Variants in ACVR2A observed in about 807,000 individuals in gnomAD.
The protein encoded by ACVR2A is activin receptor type-2A.
ACVR2A carries 7 observed loss-of-function variants against 61.4 expected under a neutral mutation model. The ratio of observed to expected loss-of-function variants is 0.11; its 90% CI spans 0.06 to 0.21. ACVR2A has a LOEUF of 0.21. Among genes scored for constraint, ACVR2A ranks in the 10% least tolerant of loss-of-function variants. ACVR2A has a pLI of 1.00. For synonymous variants in ACVR2A, 193 were observed against 208.3 expected, an observed-to-expected ratio of 0.93 and a Z score of 0.63; for missense variants, 322 against 621.7, an observed-to-expected ratio of 0.52 and a Z score of 5.13.
chr2:147,890,295 A>T (rs1357057613), intron 1 of ACVR2A, among the ~76,000 whole-genome samples: 1 of 150,360 alleles, frequency 6.7e-6, no homozygotes, highest in Admixed American at 6.6e-5. Context: ...AGTTCATGCT[A>T]TTTTTTCTTC....
chr2:147,871,752 C>T (rs1573922563), intron 1 of ACVR2A, among the ~76,000 whole-genome samples: 1 of 152,020 alleles, frequency 6.6e-6, no homozygotes, highest in East Asian at 1.9e-4. Context: ...GTTAAGATTT[C>T]ATTTTAAAGA....
At chr2:147,867,830 C>T (rs1302238039) in intron 1 of ACVR2A, among the ~76,000 whole-genome samples, 1 of 152,092 alleles carries the variant, frequency 6.6e-6, no homozygotes, top group Non-Finnish European at 1.5e-5. Flanking sequence ...TCCTGCCACT[C>T]ACTGCCTCCC....
rs370171460 is a variant in ACVR2A, at chr2:147,927,223, G to C, written c.1491G>C (p.Val497=). 6 of 1,611,628 alleles carry C rather than the reference G, an allele frequency of 3.7e-6. No homozygotes were observed. In the Admixed American group the frequency reaches 6.7e-5, roughly 18 times the overall value. Residue 497 remains valine (V), a synonymous_variant, in exon 11 of 11, where the codon GTG becomes GTC. Coordinates refer to ENST00000241416, the MANE Select transcript of ACVR2A (RefSeq NM_001616.5). The stretch of plus-strand genomic sequence containing the variant: ...TTACCACAGAGGACATTGTAACAGT[G>C]GTCACAATGGTGACAAATGTTGACT... ...NIITTEDIVT[V]VTMVTNVDFP... is the part of the protein sequence containing the mutation.
At chr2:147,900,015 T>C in intron 4 of ACVR2A, 117 bp downstream of exon 4, 1 of 1,213,846 alleles carries the variant, frequency 8.2e-7, no homozygotes, top group Non-Finnish European at 1.1e-6. Flanking sequence ...AATTTTTGAA[T>C]GTTTATTGTC....
intron 1 of ACVR2A, among the ~76,000 whole-genome samples, chr2:147,885,562 A>G (rs533791318): frequency 6.6e-6 from 1 of 152,138 alleles, no homozygotes; most frequent in Admixed American, 6.5e-5. Context: ...TAGCACAATT[A>G]AAAAACCAAC....
rs779703483 is a variant in ACVR2A at position 147,845,215 on chromosome 2, C to T, written c.55+8C>T. 1 of 1,611,626 alleles carries T rather than the reference C, an allele frequency of 6.2e-7. No individual in the cohort carries two copies. The highest frequency in any genetic ancestry group is 1.1e-5 in the South Asian group (1 of 90,976). Reference sequence around the variant, plus strand: ...TTATCTCCTGTTCTTCAGGTAGGTGCAGGGAGCGCGGCGCGGTGGGGCTGC... The same window carrying T: ...TTATCTCCTGTTCTTCAGGTAGGTGTAGGGAGCGCGGCGCGGTGGGGCTGC... On this transcript the variant is annotated splice_region_variant and intron_variant, in intron 1 of 10. Transcript: ENST00000241416.
chr2:147,912,952 ATACAATATTG>A (rs1329922028), intron 4 of ACVR2A, among the ~76,000 whole-genome samples: 1 of 151,850 alleles, frequency 6.6e-6, no homozygotes, highest in Non-Finnish European at 1.5e-5. Flanking sequence ...GGCTGTTACT[ATACAATATTG>A]AATAAATTAT....
At position 147,896,089 on chromosome 2, in the gene ACVR2A, G is replaced by A. The variant is rs146688244; in HGVS notation, c.56-212G>A. On this transcript the variant is annotated intron_variant, in intron 1 of 10. Coordinates refer to ENST00000241416, the MANE Select transcript of ACVR2A (RefSeq NM_001616.5). ...TGAAGTGAAACTAGTGGTGTTCAGA[G>A]AAATACTGTGATATATATGGTTATT... is the stretch of plus-strand genomic sequence containing the variant. Among the ~76,000 whole-genome samples the A allele has an allele frequency of 5.5e-3, 833 of 152,272 alleles. 9 individuals carry two copies. The highest frequency in any genetic ancestry group is 0.019 in the African/African-American group (774 of 41,536).
At chr2:147,895,935 A>G (rs1371001542) in intron 1 of ACVR2A, among the ~76,000 whole-genome samples, 1 of 152,136 alleles carries the variant, frequency 6.6e-6, no homozygotes, top group Non-Finnish European at 1.5e-5. Flanking sequence ...GGTCAACTGT[A>G]GTCACTATGC....
At chr2:147,924,365 T>C (rs1324333020) in intron 9 of ACVR2A, among the ~76,000 whole-genome samples, 1 of 152,014 alleles carries the variant, frequency 6.6e-6, no homozygotes, top group Non-Finnish European at 1.5e-5. Flanking sequence ...TCCTGGACAA[T>C]TAACTCTAGA....
chr2:147,849,909 G>T (rs1186530289), intron 1 of ACVR2A, among the ~76,000 whole-genome samples: 3 of 152,112 alleles, frequency 2.0e-5, no homozygotes, highest in Non-Finnish European at 4.4e-5. Flanking sequence ...TAGATTCCAA[G>T]ACTTTATTTT....
chr2:147,879,618 G>A (rs1025267499), intron 1 of ACVR2A, among the ~76,000 whole-genome samples: 1 of 152,182 alleles, frequency 6.6e-6, no homozygotes, highest in African/African-American at 2.4e-5. Flanking sequence ...GTGTCCACTT[G>A]TCTCATGTGA....
chr2:147,927,649 T>A lies in ACVR2A; in HGVS notation c.*375T>A, dbSNP rs1687535060. The A allele has an allele frequency of 6.3e-6, 1 of 159,234 alleles. No individual in the cohort carries two copies. Among genetic ancestry groups the A allele is most frequent in the Non-Finnish European group, 1.4e-5 (1 of 72,890 alleles). 9.9% of individuals were successfully genotyped at this position (159,234 alleles called of 1,614,324 possible). The stretch of plus-strand genomic sequence containing the variant: ...TAATTCCTTAAATGAACTACTGCTA[T>A]TTTTTTTAAATCAAAAACTTTTCAT... On this transcript the variant is annotated 3_prime_UTR_variant, in exon 11 of 11. Transcript: ENST00000241416.
intron 4 of ACVR2A, 63 bp downstream of exon 4, chr2:147,899,961 G>A: frequency 6.6e-7 from 1 of 1,504,734 alleles, no homozygotes. Context: ...ATATTACTGT[G>A]GTGAAACCCA....
chr2:147,863,644 T>C (rs1426686427), intron 1 of ACVR2A, among the ~76,000 whole-genome samples: 1 of 152,160 alleles, frequency 6.6e-6, no homozygotes, highest in East Asian at 1.9e-4. Flanking sequence ...AGGGAAAATA[T>C]TTTTACTCTT....
chr2:147,856,982 A>G (rs1685595543), intron 1 of ACVR2A, among the ~76,000 whole-genome samples: 1 of 152,152 alleles, frequency 6.6e-6, no homozygotes, highest in African/African-American at 2.4e-5. Flanking sequence ...GAGGGTTAGA[A>G]ATAATAGAGG....
chr2:147,905,733 C>T (rs1254087743), intron 4 of ACVR2A, among the ~76,000 whole-genome samples: 1 of 151,916 alleles, frequency 6.6e-6, no homozygotes, highest in Non-Finnish European at 1.5e-5. Context: ...GTTATCTCGA[C>T]ATGCAGGTTG....
intron 4 of ACVR2A, among the ~76,000 whole-genome samples, chr2:147,901,057 T>C (rs1686861739): frequency 6.6e-6 from 1 of 152,038 alleles, no homozygotes; most frequent in Non-Finnish European, 1.5e-5. Context: ...TTGTACACCT[T>C]GAGTATTTTA....
chr2:147,885,140 A>G (rs932409500), intron 1 of ACVR2A, among the ~76,000 whole-genome samples: 2 of 152,118 alleles, frequency 1.3e-5, no homozygotes, highest in African/African-American at 4.8e-5. Flanking sequence ...TGCAAATGTA[A>G]CTGAATTCCT....
Sources: allele counts gnomAD v4.1 joint callset (sites outside exome capture counted in the v4.1 genomes callset), GRCh38; gene constraint gnomAD v4.1.1; transcripts MANE v1.5; gene names NCBI Gene and HGNC (gene_info 2026-07-23, HGNC 2026-07-21).